Variants in CPHXL2 observed in about 807,000 individuals in gnomAD.
The protein encoded by CPHXL2 is cytoplasmic polyadenylated homeobox like 2, also known as cytoplasmic polyadenylated homeobox-like protein 2.
the CPHXL2 span, chr16:75,669,585 C>T: frequency 2.5e-6 from 1 of 398,588 alleles, no homozygotes; most frequent in Non-Finnish European, 4.4e-6. Flanking sequence ...GCGAGAAGAG[C>T]ATTGGAGAAT....
At chr16:75,667,302 A>G in the CPHXL2 span, among the ~76,000 whole-genome samples, 1 of 141,904 alleles carries the variant, frequency 7.0e-6, no homozygotes. Context: ...ACAGAGGGAG[A>G]CTCCATTTCC....
chr16:75,670,659 C>G, the CPHXL2 span, among the ~76,000 whole-genome samples: 2 of 152,026 alleles, frequency 1.3e-5, no homozygotes, highest in South Asian at 4.1e-4. Context: ...CCACCCTCAG[C>G]TAATTTTTGT....
chr16:75,672,234 G>T, the CPHXL2 span, among the ~76,000 whole-genome samples: 1 of 150,818 alleles, frequency 6.6e-6, no homozygotes, highest in Non-Finnish European at 1.5e-5. Flanking sequence ...AGCCTAGATT[G>T]CACCACTGCA....
chr16:75,668,712 A>AAATGCTATATTTGTGTTATATAGTACAT, the CPHXL2 span, among the ~76,000 whole-genome samples: 5 of 152,294 alleles, frequency 3.3e-5, no homozygotes, highest in South Asian at 2.1e-4. Flanking sequence ...AATATAACAC[A>AAATGCTATATTTGTGTTATATAGTACAT]AATGCTACAT....
the CPHXL2 span, among the ~76,000 whole-genome samples, chr16:75,662,423 G>A: frequency 6.8e-6 from 1 of 147,862 alleles, no homozygotes; most frequent in African/African-American, 2.5e-5. Context: ...AACCATCAGC[G>A]CCTTCCCCTT....
At chr16:75,668,303 G>A in the CPHXL2 span, among the ~76,000 whole-genome samples, 18 of 147,788 alleles carry the variant, frequency 1.2e-4, no homozygotes, top group African/African-American at 3.5e-4. Flanking sequence ...ATCTCTGCTC[G>A]CTGCAGCCTC....
the CPHXL2 span, among the ~76,000 whole-genome samples, chr16:75,661,432 C>T: frequency 4.6e-5 from 7 of 151,984 alleles, no homozygotes; most frequent in Admixed American, 1.3e-4. Flanking sequence ...CATATGATAC[C>T]GGAGGTCATG....
chr16:75,666,926 AACC>A, the CPHXL2 span, among the ~76,000 whole-genome samples: 1 of 152,226 alleles, frequency 6.6e-6, no homozygotes, highest in Non-Finnish European at 1.5e-5. Context: ...CTCCAAAAGG[AACC>A]TTCAAAACCA....
chr16:75,668,573 G>A, the CPHXL2 span, among the ~76,000 whole-genome samples: 1 of 152,054 alleles, frequency 6.6e-6, no homozygotes, highest in South Asian at 2.1e-4. Flanking sequence ...TCTCAAATTG[G>A]TTCTGGATAC....
the CPHXL2 span, chr16:75,669,487 C>T: frequency 1.7e-3 from 671 of 400,278 alleles, 8 homozygotes; most frequent in African/African-American, 0.012. Flanking sequence ...AAATTTATGT[C>T]GGTGTTTTGT....
the CPHXL2 span, among the ~76,000 whole-genome samples, chr16:75,675,202 A>G: frequency 6.6e-6 from 1 of 150,616 alleles, no homozygotes; most frequent in Non-Finnish European, 1.5e-5. Context: ...AAAAAAAAAA[A>G]AAAGAGATGG....
At chr16:75,662,624 A>G in the CPHXL2 span, among the ~76,000 whole-genome samples, 1 of 152,040 alleles carries the variant, frequency 6.6e-6, no homozygotes, top group South Asian at 2.1e-4. Context: ...CCAAATATAT[A>G]TATTTAGAAT....
At chr16:75,666,414 G>A in the CPHXL2 span, among the ~76,000 whole-genome samples, 4 of 152,056 alleles carry the variant, frequency 2.6e-5, no homozygotes, top group African/African-American at 9.7e-5. Context: ...GAGGTCAGGA[G>A]TTCAGGACCA....
chr16:75,669,238 C>T, the CPHXL2 span: 9 of 393,354 alleles, frequency 2.3e-5, no homozygotes, highest in Admixed American at 4.0e-4. Context: ...GTCACCTGAG[C>T]CCAGGAAGTT....
the CPHXL2 span, among the ~76,000 whole-genome samples, chr16:75,664,361 C>T: frequency 6.6e-6 from 1 of 152,150 alleles, no homozygotes; most frequent in South Asian, 2.1e-4. Flanking sequence ...TGCAGTGGCT[C>T]ATGCCTGTAA....
the CPHXL2 span, chr16:75,660,622 C>G: frequency 6.8e-5 from 27 of 398,490 alleles, no homozygotes; most frequent in South Asian, 2.5e-4. Context: ...TGCTGCTGTT[C>G]TTGCAGCAGT....
chr16:75,664,729 C>G, the CPHXL2 span, among the ~76,000 whole-genome samples: 1 of 151,880 alleles, frequency 6.6e-6, no homozygotes, highest in Non-Finnish European at 1.5e-5. Flanking sequence ...GTGATTGGAT[C>G]ACAAGGACTT....
the CPHXL2 span, among the ~76,000 whole-genome samples, chr16:75,662,017 T>G: frequency 2.6e-5 from 4 of 152,186 alleles, no homozygotes; most frequent in African/African-American, 7.2e-5. Flanking sequence ...GGCTCAGTCC[T>G]GCAAGACTGC....
chr16:75,662,114 T>TGG, the CPHXL2 span, among the ~76,000 whole-genome samples: 1 of 152,188 alleles, frequency 6.6e-6, no homozygotes, highest in African/African-American at 2.4e-5. Flanking sequence ...ACCTCCTTTT[T>TGG]GGGTTTGATT....
Sources: gnomAD v4.1 joint callset for allele counts (sites outside exome capture counted in the v4.1 genomes callset) on GRCh38, gnomAD v4.1.1 for gene constraint, MANE v1.5 for transcripts, NCBI Gene and HGNC (gene_info 2026-07-23, HGNC 2026-07-21) for gene names.